The following KPNA3 variants were observed in gnomAD, a reference collection of about 807,000 sequenced individuals.
KPNA3 encodes the protein karyopherin subunit alpha 3.
KPNA3 carries 13 observed loss-of-function variants against 73.8 expected under a neutral mutation model. The ratio of observed to expected loss-of-function variants is 0.18; its 90% CI spans 0.11 to 0.28. The LOEUF (loss-of-function observed/expected upper bound fraction) is 0.28. Ranked by LOEUF, KPNA3 falls within the 10% of genes least tolerant of loss-of-function variation. KPNA3 has a pLI of 1.00. For synonymous variants in KPNA3, 186 were observed against 206.9 expected (o/e 0.90, Z 0.87); for missense variants, 360 against 618.1 (o/e 0.58, Z 4.43).
chr13:49,702,281 C>T, intron 16 of KPNA3, 105 bp downstream of exon 16: 1 of 672,788 alleles, frequency 1.5e-6, no homozygotes, highest in Non-Finnish European at 2.6e-6. Flanking sequence ...AAATACAGTA[C>T]AAACTTATGT....
At chr13:49,734,031 G>C (rs1454003605) in intron 2 of KPNA3, among the ~76,000 whole-genome samples, 3 of 152,172 alleles carry the variant, frequency 2.0e-5, no homozygotes, top group African/African-American at 7.2e-5. Flanking sequence ...GTTTGGAGTG[G>C]TGTATTATGA....
chr13:49,763,672 C>T (rs1023864116), intron 1 of KPNA3, among the ~76,000 whole-genome samples: 3 of 152,162 alleles, frequency 2.0e-5, no homozygotes, highest in Non-Finnish European at 2.9e-5. Flanking sequence ...CAGTGCCTCA[C>T]ACCTGTAATC....
At chr13:49,710,761 A>G in intron 11 of KPNA3, 130 bp downstream of exon 11, 1 of 809,568 alleles carries the variant, frequency 1.2e-6, no homozygotes, top group Non-Finnish European at 1.9e-6. Flanking sequence ...CAACAAAATC[A>G]GGCTCAGGGA....
In KPNA3 at chr13:49,704,426, ATAAAT is replaced by A. The variant is rs1566330759; in HGVS notation, c.1372+1190_1372+1194del. ...AAACTCTGTCTCAAAAAAAAAATAA[ATAAAT>A]AAAAAATAAATAAATAAATAAATAA... is the stretch of plus-strand genomic sequence containing the variant. On this transcript the variant is annotated intron_variant, in intron 15 of 16. Coordinates refer to ENST00000261667, the MANE Select transcript of KPNA3 (RefSeq NM_002267.4). Among the ~76,000 whole-genome samples the A allele has an allele frequency of 5.6e-3, 561 of 100,210 alleles. 6 individuals carry two copies. The highest frequency in any genetic ancestry group is 0.02 in the South Asian group (48 of 2,360). The allele number at this position is 100,210 out of a possible 152,430, so 65.7% of individuals were successfully genotyped here. A position where few individuals can be genotyped will look rare whatever the true frequency, so the allele number is the denominator to read the frequency against.
intron 1 of KPNA3, among the ~76,000 whole-genome samples, chr13:49,765,227 C>G (rs1465744088): frequency 6.6e-6 from 1 of 152,100 alleles, no homozygotes; most frequent in Non-Finnish European, 1.5e-5. Context: ...TGTAACTTTT[C>G]AATGTTATAA....
At chr13:49,788,727 T>C (rs1955005636) in intron 1 of KPNA3, among the ~76,000 whole-genome samples, 1 of 105,276 alleles carries the variant, frequency 9.5e-6, no homozygotes, top group South Asian at 3.7e-4. Flanking sequence ...CTTTTTTTTT[T>C]TTTTTTTTTT....
At chr13:49,734,377 T>G (rs1278090929) in intron 2 of KPNA3, among the ~76,000 whole-genome samples, 2 of 152,226 alleles carry the variant, frequency 1.3e-5, no homozygotes, top group Non-Finnish European at 2.9e-5. Flanking sequence ...TCAGAGAACA[T>G]GTATGTACAA....
At chr13:49,730,879 C>T (rs1490521409) in intron 6 of KPNA3, among the ~76,000 whole-genome samples, 1 of 150,826 alleles carries the variant, frequency 6.6e-6, no homozygotes, top group Non-Finnish European at 1.5e-5. Context: ...CAGGTTCACA[C>T]CATTCTCCTG....
chr13:49,702,510 G>T, intron 15 of KPNA3, 30 bp from the exon 16 acceptor site: 4 of 1,194,832 alleles, frequency 3.3e-6, no homozygotes, highest in South Asian at 1.3e-5. Flanking sequence ...CAAAATAACT[G>T]GTTAATTGAT....
chr13:49,742,437 T>C (rs748965876), intron 2 of KPNA3, among the ~76,000 whole-genome samples: 2 of 152,202 alleles, frequency 1.3e-5, no homozygotes, highest in South Asian at 2.1e-4. Flanking sequence ...AAGTAAGCCG[T>C]AGAAAGCAAA....
In KPNA3 at chr13:49,719,824, G is replaced by A; in HGVS notation, c.727-5C>T. ...GACACATAAAGCTGGCAAAATCTGA[G>A]GAAAGAAAATAAACAATACTTAACA... On this transcript the variant is annotated splice_polypyrimidine_tract_variant and splice_region_variant and intron_variant, in intron 9 of 16. Transcript: ENST00000261667. 1 of 1,561,210 alleles carries A rather than the reference G, an allele frequency of 6.4e-7. No individual in the cohort carries two copies. Among genetic ancestry groups the A allele is most frequent in the Non-Finnish European group, 8.8e-7 (1 of 1,134,222 alleles).
intron 6 of KPNA3, among the ~76,000 whole-genome samples, chr13:49,731,261 T>TC (rs1954466907): frequency 6.8e-6 from 1 of 146,120 alleles, no homozygotes. Context: ...TTTTTTTTTT[T>TC]TTTTTTTTGT....
intron 1 of KPNA3, among the ~76,000 whole-genome samples, chr13:49,752,475 C>A (rs1954671258): frequency 6.6e-6 from 1 of 152,006 alleles, no homozygotes. Flanking sequence ...CTATTGAAAG[C>A]CTACTGAAAA....
rs1411066242 is a variant in KPNA3 at position 49,700,725 on chromosome 13, G to A, written c.*1075C>T. ...CATTATCAAAAGCACTGGTTACTAA[G>A]TAAAAAATATTTTAAGACTAAATTA... On this transcript the variant is annotated 3_prime_UTR_variant, in exon 17 of 17. Transcript: ENST00000261667. The A allele has an allele frequency of 6.6e-6, 1 of 152,508 alleles. No individual in the cohort carries two copies. Among genetic ancestry groups the A allele is most frequent in the Non-Finnish European group, 1.5e-5 (1 of 68,006 alleles). The allele number at this position is 152,508 out of a possible 1,614,324, so 9.4% of individuals were successfully genotyped here. A position where few individuals can be genotyped will look rare whatever the true frequency, so the allele number is the denominator to read the frequency against.
chr13:49,747,004 AAAAC>A lies in KPNA3; in HGVS notation c.70-15_70-12del. 2.5e-6 allele frequency: 4 copies of A among 1,598,480 alleles called. No individual in the cohort carries two copies. In the South Asian group the frequency reaches 3.3e-5, roughly 13 times the overall value. On this transcript the variant is annotated splice_polypyrimidine_tract_variant and intron_variant, in intron 1 of 16. Transcript: ENST00000261667. ...ATGTCTTCGCATTGTCTAGAAAAGAAAAACAAAGATTACAGATGTATCAAAATAC... is the reference window on the plus strand; with the variant it reads ...ATGTCTTCGCATTGTCTAGAAAAGAAAAAGATTACAGATGTATCAAAATAC...
At chr13:49,739,210 T>C (rs986654624) in intron 2 of KPNA3, among the ~76,000 whole-genome samples, 21 of 152,122 alleles carry the variant, frequency 1.4e-4, no homozygotes, top group African/African-American at 4.8e-4. Flanking sequence ...CCAAATCTAC[T>C]GAAAATAAGG....
At chr13:49,714,268 A>G (rs186224748) in intron 10 of KPNA3, among the ~76,000 whole-genome samples, 2 of 152,082 alleles carry the variant, frequency 1.3e-5, no homozygotes, top group Non-Finnish European at 2.9e-5. Flanking sequence ...ATAAACTGAA[A>G]CCCTGGTTCT....
intron 1 of KPNA3, among the ~76,000 whole-genome samples, chr13:49,761,529 G>A (rs1384935743): frequency 7.2e-5 from 11 of 151,972 alleles, no homozygotes; most frequent in African/African-American, 1.9e-4. Context: ...ACGGAGTCTC[G>A]TTCACTCAGT....
At chr13:49,726,991 A>G (rs1464906183) in intron 6 of KPNA3, among the ~76,000 whole-genome samples, 1 of 151,988 alleles carries the variant, frequency 6.6e-6, no homozygotes, top group East Asian at 1.9e-4. Context: ...AAAGGAAATG[A>G]TAGATATTAA....
Sources: gnomAD v4.1 joint callset for allele counts (sites outside exome capture counted in the v4.1 genomes callset) on GRCh38, gnomAD v4.1.1 for gene constraint, MANE v1.5 for transcripts, NCBI Gene and HGNC (gene_info 2026-07-23, HGNC 2026-07-21) for gene names.